Variants in STK3 observed in about 807,000 individuals in gnomAD.
STK3 encodes the protein serine/threonine kinase 3.
A neutral mutation model predicts 58.0 loss-of-function variants in STK3; 41 were observed. The observed-to-expected ratio is 0.71, with a 90% CI of 0.55 to 0.92. The LOEUF is 0.92. STK3 is among the 40% of genes least tolerant of loss of function. The probability of loss-of-function intolerance (pLI) is 0.00; values close to 1 mark genes in which losing one functional copy is unlikely to be tolerated. For missense variants in STK3, 479 were observed against 602.7 expected (o/e 0.79, Z 2.15); for synonymous variants, 170 against 191.0 (o/e 0.89, Z 0.91).
At chr8:98,805,957 GCA>G (rs1008228112) in intron 1 of STK3, among the ~76,000 whole-genome samples, 2 of 151,982 alleles carry the variant, frequency 1.3e-5, no homozygotes, top group Non-Finnish European at 2.9e-5. Context: ...ATCCACACAA[GCA>G]CACACACATA....
Position 98,744,130 on chromosome 8 carries a change from A to G in STK3, c.351+5146T>C, listed in dbSNP as rs530906189. On this transcript the variant is annotated intron_variant, in intron 4 of 10. Coordinates refer to ENST00000419617, the MANE Select transcript of STK3 (RefSeq NM_006281.4). Reference sequence around the variant, plus strand: ...AAATAGGAACACTTTTACACTGTTGATGGGAATGTAAACTAGTTCAACCAT... The same window carrying G: ...AAATAGGAACACTTTTACACTGTTGGTGGGAATGTAAACTAGTTCAACCAT... Among the ~76,000 whole-genome samples, 301 of 152,268 alleles carry G rather than the reference A, an allele frequency of 2.0e-3. 1 individual carries two copies. The highest frequency in any genetic ancestry group is 6.6e-3 in the African/African-American group (275 of 41,554).
At chr8:98,589,395 C>G (rs1410531292) in intron 7 of STK3, among the ~76,000 whole-genome samples, 6 of 152,194 alleles carry the variant, frequency 3.9e-5, no homozygotes, top group Admixed American at 2.6e-4. Context: ...AGGGTGCCTC[C>G]CAGTTAGGCT....
chr8:98,388,718 G>A (rs79995592), upstream of STK3, among the ~76,000 whole-genome samples: 6 of 152,330 alleles, frequency 3.9e-5, no homozygotes, highest in Admixed American at 1.3e-4. Context: ...TTCAATTTGT[G>A]AACCTTGTTT....
At chr8:98,604,323 C>G (rs895258520) in intron 6 of STK3, among the ~76,000 whole-genome samples, 4 of 152,178 alleles carry the variant, frequency 2.6e-5, no homozygotes, top group Non-Finnish European at 5.9e-5. Context: ...TGATAAAAGG[C>G]GTGGGCTCCC....
intron 1 of STK3, among the ~76,000 whole-genome samples, chr8:98,381,780 G>C (rs577359773): frequency 6.6e-5 from 10 of 152,326 alleles, no homozygotes; most frequent in South Asian, 4.1e-4. Context: ...ATCCAGCCCA[G>C]TGCTCCCTGC....
intron 10 of STK3, among the ~76,000 whole-genome samples, chr8:98,494,327 T>C (rs1822949902): frequency 6.6e-6 from 1 of 152,226 alleles, no homozygotes; most frequent in African/African-American, 2.4e-5. Flanking sequence ...GGTATCTGTT[T>C]AAATGCTAAC....
chr8:98,508,506 G>T (rs1349583842), intron 10 of STK3, among the ~76,000 whole-genome samples: 1 of 152,026 alleles, frequency 6.6e-6, no homozygotes, highest in Non-Finnish European at 1.5e-5. Context: ...ACTACTAGTG[G>T]GTACAGGGTT....
chr8:98,834,714 AG>A (rs1835684755), intron 3 of STK3, among the ~76,000 whole-genome samples: 1 of 152,214 alleles, frequency 6.6e-6, no homozygotes, highest in African/African-American at 2.4e-5. Context: ...TCCATTCATG[AG>A]GGTAGCCCTT....
intron 3 of STK3, among the ~76,000 whole-genome samples, chr8:98,843,390 A>G (rs886128630): frequency 6.6e-6 from 1 of 152,222 alleles, no homozygotes; most frequent in Admixed American, 6.5e-5. Flanking sequence ...CAGTACTGAC[A>G]TGAAAGACAT....
chr8:98,558,417 C>A (rs1315415819), intron 8 of STK3, among the ~76,000 whole-genome samples: 1 of 152,016 alleles, frequency 6.6e-6, no homozygotes, highest in Non-Finnish European at 1.5e-5. Flanking sequence ...TTTATATAAG[C>A]AATGTTTATG....
At chr8:98,869,022 A>AGAAGGAAGGAAGGAAGGAAGGAAG (rs200905250) in intron 3 of STK3, among the ~76,000 whole-genome samples, 10 of 111,702 alleles carry the variant, frequency 9.0e-5, no homozygotes, top group Non-Finnish European at 1.6e-4. Context: ...GAAAAAGGAA[A>AGAAGGAAGGAAGGAAGGAAGGAAG]GAAGGAAGGA....
chr8:98,378,096 A>G (rs1172595348), intron 2 of STK3, among the ~76,000 whole-genome samples: 1 of 152,170 alleles, frequency 6.6e-6, no homozygotes, highest in East Asian at 1.9e-4. Flanking sequence ...CTTCAGAGAG[A>G]ACACGGGTTT....
At chr8:98,855,638 A>G (rs1347885683) in intron 3 of STK3, among the ~76,000 whole-genome samples, 1 of 152,220 alleles carries the variant, frequency 6.6e-6, no homozygotes, top group East Asian at 1.9e-4. Context: ...AGCAAGAGCA[A>G]CACAAGAAAA....
At chr8:98,885,280 T>C (rs1479367398) in intron 1 of STK3, among the ~76,000 whole-genome samples, 1 of 152,228 alleles carries the variant, frequency 6.6e-6, no homozygotes, top group African/African-American at 2.4e-5. Flanking sequence ...TTATGTTTCA[T>C]GGTGAGTAAA....
intron 3 of STK3, among the ~76,000 whole-genome samples, chr8:98,839,020 G>A (rs146868887): frequency 0.011 from 1,634 of 148,738 alleles, 26 homozygotes; most frequent in African/African-American, 0.037. Context: ...GTGTGTGTGC[G>A]CTTGTGGCTT....
intron 4 of STK3, among the ~76,000 whole-genome samples, chr8:98,712,916 G>A (rs994948188): frequency 1.3e-5 from 2 of 152,166 alleles, no homozygotes; most frequent in Non-Finnish European, 2.9e-5. Context: ...TAAAAGAACA[G>A]AAATTATAAC....
the STK3 span, among the ~76,000 whole-genome samples, chr8:98,355,352 A>C: frequency 6.6e-6 from 1 of 152,252 alleles, no homozygotes; most frequent in Non-Finnish European, 1.5e-5. Flanking sequence ...ATGTGGCAGA[A>C]AATGGCTTTG....
chr8:98,362,991 C>T, the STK3 span, among the ~76,000 whole-genome samples: 2 of 152,186 alleles, frequency 1.3e-5, no homozygotes, highest in East Asian at 1.9e-4. Context: ...CATTATCAGT[C>T]TCTCTCTCAC....
intron 6 of STK3, among the ~76,000 whole-genome samples, chr8:98,701,635 T>A (rs56268944): frequency 0.049 from 7,336 of 149,108 alleles, 215 homozygotes; most frequent in African/African-American, 0.07. Flanking sequence ...AAAAAATATA[T>A]ATATATATAT....
Sources: allele counts gnomAD v4.1 joint callset (sites outside exome capture counted in the v4.1 genomes callset), GRCh38; gene constraint gnomAD v4.1.1; transcripts MANE v1.5; gene names NCBI Gene and HGNC (gene_info 2026-07-23, HGNC 2026-07-21).